The following VWC2L variants were observed in gnomAD, a reference collection of about 807,000 sequenced individuals.
VWC2L encodes the protein von Willebrand factor C domain-containing protein 2-like.
Under a neutral mutation model 21.6 loss-of-function variants are expected in VWC2L, and 10 were observed. The ratio of observed to expected loss-of-function variants is 0.46; its 90% CI spans 0.29 to 0.78. The LOEUF (loss-of-function observed/expected upper bound fraction) is 0.78, where lower values mean the gene tolerates loss of function less well. Among genes scored for constraint, VWC2L ranks in the 30% least tolerant of loss-of-function variants. VWC2L has a pLI of 0.10. For synonymous variants in VWC2L, 96 were observed against 94.3 expected, an observed-to-expected ratio of 1.02 and a Z score of -0.10; for missense variants, 209 against 277.1, an observed-to-expected ratio of 0.75 and a Z score of 1.74.
intron 3 of VWC2L, among the ~76,000 whole-genome samples, chr2:214,462,255 G>T (rs1559297968): frequency 6.6e-6 from 1 of 152,138 alleles, no homozygotes; most frequent in African/African-American, 2.4e-5. Flanking sequence ...GGCCCACAGG[G>T]GGCAAGGGCT....
intron 3 of VWC2L, among the ~76,000 whole-genome samples, chr2:214,447,203 A>C (rs906005856): frequency 6.6e-6 from 1 of 152,252 alleles, no homozygotes; most frequent in African/African-American, 2.4e-5. Context: ...ATACCTAGAA[A>C]TGATATCTCT....
At chr2:214,507,782 A>G (rs1489968673) in intron 3 of VWC2L, among the ~76,000 whole-genome samples, 1 of 152,224 alleles carries the variant, frequency 6.6e-6, no homozygotes, top group African/African-American at 2.4e-5. Flanking sequence ...ATGAGCCTCA[A>G]GCAGGCTCTG....
intron 3 of VWC2L, among the ~76,000 whole-genome samples, chr2:214,453,340 C>G (rs1053252402): frequency 3.3e-5 from 5 of 152,150 alleles, no homozygotes; most frequent in African/African-American, 1.2e-4. Flanking sequence ...TCCTTCTCCA[C>G]TGAATTGCAT....
chr2:214,443,042 T>C (rs1248110396), intron 3 of VWC2L, among the ~76,000 whole-genome samples: 1 of 152,174 alleles, frequency 6.6e-6, no homozygotes, highest in Non-Finnish European at 1.5e-5. Context: ...AAGAGTCTAA[T>C]ATCATCTCAG....
intron 3 of VWC2L, among the ~76,000 whole-genome samples, chr2:214,551,901 G>T (rs186082810): frequency 6.6e-6 from 1 of 152,200 alleles, no homozygotes. Context: ...CCCAGCAGAC[G>T]ATGTCTTTCC....
Position 214,575,891 on chromosome 2 carries a change from CA to C in VWC2L, c.*75del. The C allele has an allele frequency of 2.0e-6, 3 of 1,487,496 alleles. No individual in the cohort carries two copies. Among genetic ancestry groups the C allele is most frequent in the Non-Finnish European group, 2.7e-6 (3 of 1,103,740 alleles). 92.1% of individuals were successfully genotyped at this position (1,487,496 alleles called of 1,614,324 possible). Reference sequence around the variant, plus strand: ...GCTTCAACACTGCACATGTTTAACACAAAACAAAACAAACAAACTCCTGCCA... The same window carrying C: ...GCTTCAACACTGCACATGTTTAACACAAACAAAACAAACAAACTCCTGCCA... On this transcript the variant is annotated 3_prime_UTR_variant, in exon 4 of 4. Coordinates refer to ENST00000312504, the MANE Select transcript of VWC2L (RefSeq NM_001080500.4).
At chr2:214,439,367 C>T (rs1176347998) in intron 3 of VWC2L, among the ~76,000 whole-genome samples, 3 of 151,728 alleles carry the variant, frequency 2.0e-5, no homozygotes, top group Non-Finnish European at 4.4e-5. Flanking sequence ...TAACTATAAC[C>T]ATAATAAATA....
At chr2:214,524,154 T>C (rs963791013) in intron 3 of VWC2L, among the ~76,000 whole-genome samples, 3 of 152,172 alleles carry the variant, frequency 2.0e-5, no homozygotes, top group Admixed American at 1.3e-4. Context: ...TACTATAATA[T>C]GTACTTTGCT....
At chr2:214,518,779 T>C (rs1689185889) in intron 3 of VWC2L, among the ~76,000 whole-genome samples, 1 of 152,202 alleles carries the variant, frequency 6.6e-6, no homozygotes, top group African/African-American at 2.4e-5. Context: ...AAAAGAATGT[T>C]AGTAATCAGA....
At chr2:214,428,435 T>C (rs776958633) in intron 2 of VWC2L, among the ~76,000 whole-genome samples, 1 of 152,174 alleles carries the variant, frequency 6.6e-6, no homozygotes, top group Non-Finnish European at 1.5e-5. Context: ...TTTTTATACA[T>C]GGTTACAAAA....
intron 3 of VWC2L, among the ~76,000 whole-genome samples, chr2:214,530,714 G>T (rs1410429695): frequency 6.6e-6 from 1 of 152,062 alleles, no homozygotes; most frequent in Non-Finnish European, 1.5e-5. Context: ...AAAATAAATT[G>T]GTGTCACAGG....
At chr2:214,420,406 T>C (rs1045504815) in intron 2 of VWC2L, among the ~76,000 whole-genome samples, 1 of 152,134 alleles carries the variant, frequency 6.6e-6, no homozygotes, top group Non-Finnish European at 1.5e-5. Flanking sequence ...CCAGAGGCTG[T>C]AGAGATATCT....
At chr2:214,528,781 CT>C (rs568490756) in intron 3 of VWC2L, among the ~76,000 whole-genome samples, 41 of 152,232 alleles carry the variant, frequency 2.7e-4, no homozygotes, top group African/African-American at 9.9e-4. Flanking sequence ...AGAAAGGAAA[CT>C]GCAGAATACC....
chr2:214,419,973 C>T (rs1434492949), intron 2 of VWC2L, among the ~76,000 whole-genome samples: 1 of 152,052 alleles, frequency 6.6e-6, no homozygotes, highest in Non-Finnish European at 1.5e-5. Context: ...GCAGGAGAAT[C>T]GCTGGAACCT....
At chr2:214,468,753 C>A (rs1243082082) in intron 3 of VWC2L, among the ~76,000 whole-genome samples, 1 of 152,060 alleles carries the variant, frequency 6.6e-6, no homozygotes, top group Non-Finnish European at 1.5e-5. Context: ...AAGGAAGACT[C>A]AGAGGAGATG....
At chr2:214,461,166 C>A (rs909031183) in intron 3 of VWC2L, among the ~76,000 whole-genome samples, 1 of 152,132 alleles carries the variant, frequency 6.6e-6, no homozygotes, top group East Asian at 1.9e-4. Flanking sequence ...GACAAATGTT[C>A]CTGTCCTTGG....
At chr2:214,548,959 A>C (rs1689751518) in intron 3 of VWC2L, among the ~76,000 whole-genome samples, 1 of 152,196 alleles carries the variant, frequency 6.6e-6, no homozygotes, top group Admixed American at 6.5e-5. Context: ...ATTTTTGTAC[A>C]GTTCTGTGGA....
At chr2:214,538,362 G>C (rs557307642) in intron 3 of VWC2L, among the ~76,000 whole-genome samples, 2 of 152,188 alleles carry the variant, frequency 1.3e-5, no homozygotes, top group South Asian at 4.1e-4. Context: ...TCAGTGGGAT[G>C]CTTGGCCTAT....
intron 3 of VWC2L, among the ~76,000 whole-genome samples, chr2:214,551,488 C>G (rs934845607): frequency 1.3e-5 from 2 of 152,120 alleles, no homozygotes; most frequent in Non-Finnish European, 2.9e-5. Flanking sequence ...GCAAAGCATA[C>G]AAACAAAAAA....
Sources: gnomAD v4.1 joint callset for allele counts (sites outside exome capture counted in the v4.1 genomes callset) on GRCh38, gnomAD v4.1.1 for gene constraint, MANE v1.5 for transcripts, NCBI Gene and HGNC (gene_info 2026-07-23, HGNC 2026-07-21) for gene names.